Variants in ZDHHC24 observed in about 807,000 individuals in gnomAD.
ZDHHC24 encodes the protein zDHHC palmitoyltransferase 24.
ZDHHC24 carries 17 observed loss-of-function variants against 23.2 expected under a neutral mutation model. That is an observed-to-expected ratio of 0.73 (90% CI 0.50 to 1.10). The LOEUF is 1.10. Among genes scored for constraint, ZDHHC24 ranks in the 50% least tolerant of loss-of-function variants. The pLI, the probability that ZDHHC24 is intolerant of heterozygous loss-of-function variation, is 0.00. For missense variants in ZDHHC24, 366 were observed against 393.0 expected, an observed-to-expected ratio of 0.93 and a Z score of 0.58; for synonymous variants, 186 against 194.5, an observed-to-expected ratio of 0.96 and a Z score of 0.36.
intron 4 of ZDHHC24, chr11:66,526,618 A>G (rs1191285574): frequency 6.2e-7 from 1 of 1,614,124 alleles, no homozygotes. Context: ...ACTGGGGAGG[A>G]CAAATCCATT....
intron 2 of ZDHHC24, among the ~76,000 whole-genome samples, chr11:66,540,832 C>T (rs1270088978): frequency 6.6e-6 from 1 of 152,100 alleles, no homozygotes; most frequent in African/African-American, 2.4e-5. Flanking sequence ...TAACGGACTA[C>T]GAGAGGCCAT....
chr11:66,523,437 T>C lies in ZDHHC24; in HGVS notation c.*22-1971A>G, dbSNP rs963070589. 7.4e-6 allele frequency: 12 copies of C among 1,613,838 alleles called. No homozygotes were observed. Among genetic ancestry groups the C allele is most frequent in the African/African-American group, 1.3e-5 (1 of 74,900 alleles). On this transcript the variant is annotated intron_variant, in intron 4 of 4. Coordinates refer to the ZDHHC24 transcript ENST00000526986. ...AGAGGATTTCTCTGGGGCCAGACAG[T>C]GTGTTGTTTATTCCACAGAGACTCC...
chr11:66,522,262 C>T lies in ZDHHC24; in HGVS notation c.*22-796G>A, dbSNP rs74710733. On this transcript the variant is annotated intron_variant, in intron 4 of 4. Coordinates refer to the ZDHHC24 transcript ENST00000526986. ...GATGGGAAGAAATAAAAAAAAATTT[C>T]CCATATTTGTTACTTTCTAGGGTAC... 7.1e-3 allele frequency among the ~76,000 whole-genome samples: 1,072 copies of T among 151,696 alleles called. 14 individuals are homozygous for T. The highest frequency in any genetic ancestry group is 0.041 in the Middle Eastern group (12 of 290).
exon 5 of ZDHHC24, chr11:66,521,279 C>A (rs932467950): frequency 6.2e-7 from 1 of 1,613,918 alleles, no homozygotes; most frequent in Non-Finnish European, 8.5e-7. Flanking sequence ...GATGAGCCTT[C>A]CCAGCGTCCC....
exon 5 of ZDHHC24, chr11:66,521,229 G>A (rs751157702): frequency 2.0e-6 from 3 of 1,501,668 alleles, no homozygotes; most frequent in African/African-American, 2.8e-5. Context: ...GAGGGACGGG[G>A]GCTCCAGAGA....
downstream of ZDHHC24, among the ~76,000 whole-genome samples, chr11:66,534,422 G>A (rs111693059): frequency 0.018 from 2,551 of 141,184 alleles, 69 homozygotes; most frequent in African/African-American, 0.063. Context: ...CTCTAGCCTG[G>A]GCAAGAGCGA....
downstream of ZDHHC24, among the ~76,000 whole-genome samples, chr11:66,535,469 G>A (rs1399682646): frequency 6.6e-6 from 1 of 151,446 alleles, no homozygotes; most frequent in Admixed American, 6.6e-5. Flanking sequence ...GCCTCCCAAA[G>A]TGTGGGATTA....
chr11:66,529,393 G>T, exon 3 of ZDHHC24: 2 of 1,270,426 alleles, frequency 1.6e-6, no homozygotes, highest in Non-Finnish European at 2.2e-6. Context: ...AGGCGAGGGT[G>T]CTCACTAAGC....
chr11:66,543,825 G>T lies in ZDHHC24; in HGVS notation c.438C>A (p.Ala146=). The change falls in exon 2 of 3, where the codon GCC becomes GCA. Residue 146 remains alanine, a synonymous_variant. Coordinates refer to ENST00000310442, the MANE Select transcript of ZDHHC24 (RefSeq NM_207340.3). ...CAGAGACGTGGAGCAGGACGCCGGC[G>T]GCATGAAGCAGCAGGCACAGGAAGG... ...YRPFLCLLLH[A]AGVLLHVSVL... 1.9e-6 allele frequency: 3 copies of T among 1,613,770 alleles called. No homozygotes were observed. The highest frequency in any genetic ancestry group is 2.5e-6 in the Non-Finnish European group (3 of 1,179,798).
chr11:66,534,986 G>C (rs1416515051), downstream of ZDHHC24, among the ~76,000 whole-genome samples: 1 of 151,912 alleles, frequency 6.6e-6, no homozygotes, highest in Non-Finnish European at 1.5e-5. Context: ...TCTGCCTCCC[G>C]GGCTCAAGTG....
exon 5 of ZDHHC24, chr11:66,521,262 G>A (rs10896125): frequency 6.2e-7 from 1 of 1,611,840 alleles, no homozygotes; most frequent in Non-Finnish European, 8.5e-7. Context: ...TGCGCTTCTT[G>A]TTTGCAGATG....
At chr11:66,543,623 G>C (rs1034343184) in intron 2 of ZDHHC24, 81 bp downstream of exon 2, 3 of 1,451,378 alleles carry the variant, frequency 2.1e-6, no homozygotes, top group Admixed American at 5.5e-5. Context: ...CAGAAAGCCC[G>C]TCTCCCACCA....
At chr11:66,531,878 C>T, downstream of ZDHHC24, 1 of 1,585,354 alleles carries the variant, frequency 6.3e-7, no homozygotes, top group Non-Finnish European at 8.6e-7. Flanking sequence ...TGTGGCCTGT[C>T]ATTAGGGCCA....
chr11:66,526,048 C>A, intron 4 of ZDHHC24: 1 of 1,324,206 alleles, frequency 7.6e-7, no homozygotes, highest in Non-Finnish European at 1.1e-6. Context: ...ATATCTGGGG[C>A]CTCCCCTACC....
In ZDHHC24 at chr11:66,545,709, C is replaced by T. The variant is rs1160840860; in HGVS notation, c.281+14G>A. 4 of 1,523,556 alleles carry T rather than the reference C, an allele frequency of 2.6e-6. No homozygotes were observed. Among genetic ancestry groups the T allele is most frequent in the Middle Eastern group, 1.7e-4 (1 of 5,804 alleles). 94.4% of individuals were successfully genotyped at this position (1,523,556 alleles called of 1,614,324 possible). A position where few individuals can be genotyped will look rare whatever the true frequency, so the allele number is the denominator to read the frequency against. ...GCTCCCACTTCTCCCCGCCCGATCCCGCACCCCACTCACGCCCAGCCCTGG... is the reference window on the plus strand; with the variant it reads ...GCTCCCACTTCTCCCCGCCCGATCCTGCACCCCACTCACGCCCAGCCCTGG... On this transcript the variant is annotated intron_variant, in intron 1 of 2. Coordinates refer to ENST00000310442, the MANE Select transcript of ZDHHC24 (RefSeq NM_207340.3). This position sits in a 1 kb window ranked among gnomAD's most constrained non-coding sequence, Gnocchi z 4.5.
rs1050795094 is a variant in ZDHHC24, at chr11:66,529,490, TG to T, written c.560-3del. 5.4e-6 allele frequency: 4 copies of T among 733,954 alleles called. No homozygotes were observed. In the African/African-American group the frequency reaches 6.9e-5, roughly 13 times the overall value. 45.5% of individuals were successfully genotyped at this position (733,954 alleles called of 1,614,324 possible). A position where few individuals can be genotyped will look rare whatever the true frequency, so the allele number is the denominator to read the frequency against. Reference sequence around the variant, plus strand: ...GAGCTGTGGCAGGACATGGATTGTCTGGGGGAAGAAGATGGAGGATGAGAAG... The same window carrying T: ...GAGCTGTGGCAGGACATGGATTGTCTGGGGAAGAAGATGGAGGATGAGAAG... On this transcript the variant is annotated splice_region_variant and splice_polypyrimidine_tract_variant and intron_variant, in intron 2 of 4. Coordinates refer to the ZDHHC24 transcript ENST00000526986.
intron 2 of ZDHHC24, among the ~76,000 whole-genome samples, chr11:66,529,642 C>T (rs1235692895): frequency 2.6e-5 from 4 of 151,784 alleles, no homozygotes; most frequent in African/African-American, 9.7e-5. Flanking sequence ...GAGGCCACGG[C>T]GTCGAGTTTT....
exon 5 of ZDHHC24, chr11:66,521,227 G>A: frequency 6.7e-7 from 1 of 1,493,938 alleles, no homozygotes; most frequent in Non-Finnish European, 9.3e-7. Flanking sequence ...GGGAGGGACG[G>A]GGGCTCCAGA....
At chr11:66,530,824 C>G (rs1386708691), downstream of ZDHHC24, 2 of 1,601,724 alleles carry the variant, frequency 1.2e-6, no homozygotes, top group Non-Finnish European at 1.7e-6. Flanking sequence ...GGAAGGCAGG[C>G]AGAGCACACT....
Sources: gnomAD v4.1 joint callset for allele counts (sites outside exome capture counted in the v4.1 genomes callset) on GRCh38, gnomAD v4.1.1 for gene constraint, Gnocchi (gnomAD v3.1) non-coding constraint, MANE v1.5 for transcripts, NCBI Gene and HGNC (gene_info 2026-07-23, HGNC 2026-07-21) for gene names.